The following PIR variants were observed in gnomAD, a reference collection of about 807,000 sequenced individuals.
PIR encodes the protein pirin.
In PIR, 22 loss-of-function variants were observed where a neutral mutation model predicts 24.2. The observed-to-expected ratio is 0.91, with a 90% CI of 0.65 to 1.30. The LOEUF (loss-of-function observed/expected upper bound fraction) is 1.30, where lower values mean the gene tolerates loss of function less well. Among genes scored for constraint, PIR ranks in the 50% most tolerant of loss-of-function variants. PIR has a pLI of 0.00. For missense variants in PIR, 220 were observed against 220.3 expected, an observed-to-expected ratio of 1.00 and a Z score of 0.01; for synonymous variants, 80 against 79.6, an observed-to-expected ratio of 1.00 and a Z score of -0.03.
intron 6 of PIR, among the ~76,000 whole-genome samples, chrX:15,419,854 C>G (rs1925063886): frequency 9.2e-6 from 1 of 108,221 alleles, no homozygotes; most frequent in Non-Finnish European, 1.9e-5. Flanking sequence ...CGAGATCATG[C>G]CATTGCACTC....
At chrX:15,486,927 C>G (rs1295061655) in intron 2 of PIR, among the ~76,000 whole-genome samples, 1 of 112,099 alleles carries the variant, frequency 8.9e-6, no homozygotes, top group Non-Finnish European at 1.9e-5. Context: ...CTAATCCTAA[C>G]TGATAAAAGG....
At chrX:15,474,637 C>T (rs1922101788) in intron 3 of PIR, among the ~76,000 whole-genome samples, 1 of 111,804 alleles carries the variant, frequency 8.9e-6, no homozygotes, top group African/African-American at 3.3e-5. Flanking sequence ...GTTACCTTCA[C>T]TCTCAAATCA....
At chrX:15,399,898 G>T (rs1924320325) in intron 7 of PIR, among the ~76,000 whole-genome samples, 1 of 111,106 alleles carries the variant, frequency 9.0e-6, no homozygotes, top group African/African-American at 3.3e-5. Flanking sequence ...GTCCATGGCA[G>T]TAAAAAGATT....
At chrX:15,450,107 G>A (rs1009415768) in intron 5 of PIR, among the ~76,000 whole-genome samples, 9 of 112,060 alleles carry the variant, frequency 8.0e-5, no homozygotes, top group Non-Finnish European at 5.6e-5. Context: ...GACATACTGA[G>A]GGAAGTTTCA....
intron 9 of PIR, among the ~76,000 whole-genome samples, chrX:15,389,229 T>G (rs1923874673): frequency 8.9e-6 from 1 of 112,296 alleles, no homozygotes; most frequent in South Asian, 3.7e-4. Context: ...AATATTGCAG[T>G]GCTTTTCAGT....
At chrX:15,423,462 A>G (rs1925203847) in intron 6 of PIR, among the ~76,000 whole-genome samples, 1 of 111,365 alleles carries the variant, frequency 9.0e-6, no homozygotes, top group African/African-American at 3.3e-5. Context: ...CTAAAAATAC[A>G]AAAATTAGCC....
chrX:15,434,714 G>GTTT (rs11406856), intron 5 of PIR, among the ~76,000 whole-genome samples: 14 of 93,016 alleles, frequency 1.5e-4, no homozygotes, highest in African/African-American at 4.7e-4. Flanking sequence ...TGAGAGGTTT[G>GTTT]TTTTTTTTTT....
At chrX:15,435,823 A>G (rs1227547302) in intron 5 of PIR, among the ~76,000 whole-genome samples, 1 of 112,449 alleles carries the variant, frequency 8.9e-6, no homozygotes, top group Non-Finnish European at 1.9e-5. Flanking sequence ...TAGATTTACC[A>G]TACTGTTTAA....
rs34664851 is a variant in PIR, at chrX:15,419,343, CTGTGTGTGTGTG to C, written c.565+6551_565+6562del. On this transcript the variant is annotated intron_variant, in intron 6 of 9. Transcript: ENST00000380420. ...TAATGCAGTGGAAGCATGGATAAGT[CTGTGTGTGTGTG>C]TGTGTGTGTGTGTGTGTGTGTGTGT... Among the ~76,000 whole-genome samples the C allele has an allele frequency of 5.9e-3, 463 of 78,280 alleles. 2 individuals are homozygous for C. Among genetic ancestry groups the C allele is most frequent in the African/African-American group, 0.019 (413 of 21,678 alleles). The allele number at this position is 78,280 out of a possible 115,157, so 68.0% of individuals were successfully genotyped here.
intron 5 of PIR, among the ~76,000 whole-genome samples, chrX:15,427,868 T>C (rs967439110): frequency 3.6e-4 from 40 of 110,611 alleles, no homozygotes; most frequent in African/African-American, 1.3e-3. Flanking sequence ...TACATATATA[T>C]ATATATGGGG....
At chrX:15,412,692 C>T (rs898484936) in intron 6 of PIR, among the ~76,000 whole-genome samples, 4 of 112,003 alleles carry the variant, frequency 3.6e-5, no homozygotes, top group African/African-American at 1.3e-4. Flanking sequence ...TCTCCAGTAT[C>T]ATGGCCTCTC....
chrX:15,473,853 C>T (rs1337898222), intron 3 of PIR, among the ~76,000 whole-genome samples: 2 of 112,700 alleles, frequency 1.8e-5, no homozygotes, highest in Non-Finnish European at 3.8e-5. Context: ...CCGCGCCCAG[C>T]CTCTGTTTTT....
intron 2 of PIR, among the ~76,000 whole-genome samples, chrX:15,487,648 A>G (rs988959740): frequency 4.3e-4 from 48 of 112,390 alleles, no homozygotes; most frequent in Non-Finnish European, 7.9e-4. Context: ...GCAGATTAGT[A>G]GTGGATTTCC....
chrX:15,462,957 A>T (rs1172668820), intron 3 of PIR, among the ~76,000 whole-genome samples: 2 of 112,257 alleles, frequency 1.8e-5, no homozygotes, highest in Non-Finnish European at 3.8e-5. Flanking sequence ...TTATATTCTC[A>T]TGAGGAAGAC....
chrX:15,466,161 A>G (rs753505270), intron 3 of PIR, among the ~76,000 whole-genome samples: 1 of 110,372 alleles, frequency 9.1e-6, no homozygotes, highest in East Asian at 2.8e-4. Context: ...GGATGTCTGA[A>G]TCCATACAAT....
chrX:15,425,783 G>A, intron 6 of PIR, 123 bp downstream of exon 6: 2 of 482,862 alleles, frequency 4.1e-6, no homozygotes, highest in South Asian at 3.6e-5. Context: ...ATAAACAAGA[G>A]TTCTTAGAAC....
chrX:15,434,168 AAAG>A lies in PIR; in HGVS notation c.481-8181_481-8179del, dbSNP rs759474968. On this transcript the variant is annotated intron_variant, in intron 5 of 9. Coordinates refer to ENST00000380420, the MANE Select transcript of PIR (RefSeq NM_001018109.3). ...AGGAAGGAGAAAGAAGAAGGAGGAG[AAAG>A]AAGAAGGAGGAGAAGGAAGGAGAAA... 2.9e-3 allele frequency among the ~76,000 whole-genome samples: 243 copies of A among 84,668 alleles called. 2 individuals carry two copies. The highest frequency in any genetic ancestry group is 3.7e-3 in the Non-Finnish European group (158 of 43,063). The allele number at this position is 84,668 out of a possible 115,157, so 73.5% of individuals were successfully genotyped here.
intron 4 of PIR, among the ~76,000 whole-genome samples, chrX:15,457,562 C>T (rs1258813655): frequency 8.9e-6 from 1 of 111,882 alleles, no homozygotes; most frequent in Non-Finnish European, 1.9e-5. Context: ...TCTGAGGGTG[C>T]AATCTTCAGG....
intron 1 of PIR, among the ~76,000 whole-genome samples, chrX:15,491,777 T>A (rs766450475): frequency 9.0e-6 from 1 of 111,495 alleles, no homozygotes; most frequent in Non-Finnish European, 1.9e-5. Flanking sequence ...AGGAACATGC[T>A]GTATGGGTTT....
Sources: allele counts gnomAD v4.1 joint callset (sites outside exome capture counted in the v4.1 genomes callset), GRCh38; gene constraint gnomAD v4.1.1; transcripts MANE v1.5; gene names NCBI Gene and HGNC (gene_info 2026-07-23, HGNC 2026-07-21).